The following SCHIP1 variants were observed in gnomAD, a reference collection of about 807,000 sequenced individuals.
SCHIP1 encodes schwannomin-interacting protein 1.
A neutral mutation model predicts 29.7 loss-of-function variants in SCHIP1; 8 were observed. The observed-to-expected ratio is 0.27, with a 90% CI of 0.16 to 0.49. SCHIP1 has a LOEUF of 0.49. Among genes scored for constraint, SCHIP1 ranks in the 20% least tolerant of loss-of-function variants. The pLI is 0.99. For missense variants in SCHIP1, 193 were observed against 294.6 expected, an observed-to-expected ratio of 0.66 and a Z score of 2.52; for synonymous variants, 76 against 94.9, an observed-to-expected ratio of 0.80 and a Z score of 1.16.
At chr3:159,796,308 C>CA in the SCHIP1 span, among the ~76,000 whole-genome samples, 1 of 151,642 alleles carries the variant, frequency 6.6e-6, no homozygotes, top group Non-Finnish European at 1.5e-5. Flanking sequence ...AAATACAAGC[C>CA]ATATAAAGCA....
At chr3:159,884,349 CTGTGTGTGTGTGTGTG>C (rs10661642) in intron 2 of SCHIP1, among the ~76,000 whole-genome samples, 2 of 140,548 alleles carry the variant, frequency 1.4e-5, no homozygotes, top group African/African-American at 2.7e-5. Context: ...GTGTCTGTGT[CTGTGTGTGTGTGTGTG>C]TGTGTGTGTG....
At chr3:159,770,554 G>T in the SCHIP1 span, among the ~76,000 whole-genome samples, 1 of 152,060 alleles carries the variant, frequency 6.6e-6, no homozygotes, top group Non-Finnish European at 1.5e-5. Context: ...CCACTGTGCC[G>T]GGCCTGAATA....
chr3:159,720,845 A>G, the SCHIP1 span, among the ~76,000 whole-genome samples: 3 of 152,304 alleles, frequency 2.0e-5, no homozygotes, highest in East Asian at 3.9e-4. Flanking sequence ...TCTGCCTAGC[A>G]AAGTGCTGGG....
chr3:159,723,889 C>G, the SCHIP1 span, among the ~76,000 whole-genome samples: 1 of 152,206 alleles, frequency 6.6e-6, no homozygotes, highest in Non-Finnish European at 1.5e-5. Flanking sequence ...TGTGATAAAG[C>G]TTGAGGCTGA....
the SCHIP1 span, among the ~76,000 whole-genome samples, chr3:159,582,765 A>T: frequency 2.1e-5 from 3 of 142,702 alleles, no homozygotes; most frequent in African/African-American, 8.0e-5. Context: ...TAAATATAAG[A>T]CACGCAACTG....
chr3:159,745,195 T>A, the SCHIP1 span, among the ~76,000 whole-genome samples: 1 of 152,226 alleles, frequency 6.6e-6, no homozygotes, highest in Non-Finnish European at 1.5e-5. Context: ...AGCTCTTGCT[T>A]AGCCAAGTTC....
chr3:159,452,645 T>C, the SCHIP1 span, among the ~76,000 whole-genome samples: 1 of 152,232 alleles, frequency 6.6e-6, no homozygotes, highest in African/African-American at 2.4e-5. Context: ...GAATGGTTTA[T>C]AATCCTTTGA....
At chr3:159,892,833 A>T (rs1278698593) in intron 6 of SCHIP1, 1 of 152,650 alleles carries the variant, frequency 6.6e-6, no homozygotes, top group East Asian at 1.9e-4. Flanking sequence ...AAAGCATGTC[A>T]CTGTAAGTAT....
the SCHIP1 span, among the ~76,000 whole-genome samples, chr3:159,342,292 T>C: frequency 6.6e-6 from 1 of 152,196 alleles, no homozygotes; most frequent in African/African-American, 2.4e-5. Flanking sequence ...AATTTTCATC[T>C]TAAAGATGTA....
intron 6 of SCHIP1, chr3:159,894,158 C>T (rs1453032653): frequency 6.6e-6 from 1 of 152,178 alleles, no homozygotes; most frequent in East Asian, 1.9e-4. Flanking sequence ...ATTTAATTAT[C>T]CTTGTGGGCT....
chr3:159,469,622 C>T, the SCHIP1 span, among the ~76,000 whole-genome samples: 2 of 152,120 alleles, frequency 1.3e-5, no homozygotes, highest in Non-Finnish European at 2.9e-5. Context: ...CACTGGGGAA[C>T]AGGGATATTG....
At chr3:159,425,955 C>G in the SCHIP1 span, among the ~76,000 whole-genome samples, 4 of 152,042 alleles carry the variant, frequency 2.6e-5, no homozygotes, top group African/African-American at 9.7e-5. Flanking sequence ...GGGTACATAA[C>G]GAAATGAAGG....
chr3:159,422,737 T>TG, the SCHIP1 span, among the ~76,000 whole-genome samples: 1 of 152,350 alleles, frequency 6.6e-6, no homozygotes, highest in East Asian at 1.9e-4. Context: ...TTCTTATATC[T>TG]GTGAGATATA....
the SCHIP1 span, among the ~76,000 whole-genome samples, chr3:159,497,469 C>T: frequency 2.6e-5 from 4 of 151,898 alleles, no homozygotes; most frequent in Non-Finnish European, 5.9e-5. Flanking sequence ...ATCTTCAAAA[C>T]CACCCCCAAG....
At chr3:159,570,005 T>G in the SCHIP1 span, among the ~76,000 whole-genome samples, 1,454 of 152,134 alleles carry the variant, frequency 9.6e-3, 14 homozygotes, top group African/African-American at 0.033. Flanking sequence ...CGCCGACTTT[T>G]GGATGGGTTT....
chr3:159,836,078 C>T (rs1232176069), upstream of SCHIP1, among the ~76,000 whole-genome samples: 1 of 152,212 alleles, frequency 6.6e-6, no homozygotes, highest in African/African-American at 2.4e-5. Flanking sequence ...AGAGCAGCCT[C>T]AGTTGGCTCA....
the SCHIP1 span, among the ~76,000 whole-genome samples, chr3:159,378,852 T>C: frequency 6.6e-6 from 1 of 152,234 alleles, no homozygotes; most frequent in Admixed American, 6.5e-5. Flanking sequence ...CTATTGCTGC[T>C]CTTGCTGGTA....
chr3:159,560,595 A>G, the SCHIP1 span, among the ~76,000 whole-genome samples: 2 of 151,636 alleles, frequency 1.3e-5, no homozygotes, highest in African/African-American at 2.4e-5. Context: ...GCCCCTCCCC[A>G]TGTCTCTTTT....
the SCHIP1 span, among the ~76,000 whole-genome samples, chr3:159,459,616 A>G: frequency 1.3e-5 from 2 of 152,320 alleles, no homozygotes; most frequent in South Asian, 2.1e-4. Flanking sequence ...GCAAAGACAC[A>G]AAGTAAGACT....
Sources: gnomAD v4.1 joint callset for allele counts (sites outside exome capture counted in the v4.1 genomes callset) on GRCh38, gnomAD v4.1.1 for gene constraint, MANE v1.5 for transcripts, NCBI Gene and HGNC (gene_info 2026-07-23, HGNC 2026-07-21) for gene names.